Variants in ZNF174 observed in about 807,000 individuals in gnomAD.
The protein encoded by ZNF174 is AW-1.
A neutral mutation model predicts 38.7 loss-of-function variants in ZNF174; 30 were observed. The ratio of observed to expected loss-of-function variants is 0.78; its 90% CI spans 0.58 to 1.05. The LOEUF (loss-of-function observed/expected upper bound fraction) is 1.05, where lower values mean the gene tolerates loss of function less well. Ranked by LOEUF, ZNF174 falls within the 50% of genes least tolerant of loss-of-function variation. The pLI, the probability that ZNF174 is intolerant of heterozygous loss-of-function variation, is 0.00. For synonymous variants in ZNF174, 201 were observed against 181.7 expected (o/e 1.11, Z -0.86); for missense variants, 499 against 495.6 (o/e 1.01, Z -0.06).
chr16:3,405,179 C>A, intron 2 of ZNF174: 1 of 1,167,042 alleles, frequency 8.6e-7, no homozygotes, highest in African/African-American at 1.5e-5. Flanking sequence ...ATGACAGTGA[C>A]ATTTTGGCCA....
At chr16:3,403,960 C>T (rs1250905876) in intron 1 of ZNF174, among the ~76,000 whole-genome samples, 1 of 152,122 alleles carries the variant, frequency 6.6e-6, no homozygotes, top group Non-Finnish European at 1.5e-5. Context: ...TCCTCTTAGA[C>T]CCCTACTACT....
chr16:3,402,453 C>CTTTTTTTTTTTTTTT (rs56903674), intron 1 of ZNF174, 47 bp downstream of exon 1: 7 of 1,300,658 alleles, frequency 5.4e-6, no homozygotes, highest in South Asian at 1.4e-5. Flanking sequence ...TTTTTCTTTT[C>CTTTTTTTTTTTTTTT]TTTTTTTTTT....
Position 3,405,685 on chromosome 16 carries a change from A to G in ZNF174, c.625+1037A>G, listed in dbSNP as rs927406904. On this transcript the variant is annotated intron_variant, in intron 2 of 2. Coordinates refer to ENST00000268655, the MANE Select transcript of ZNF174 (RefSeq NM_003450.3). ...CCACAGTCTACTTTTTGTCTCTAGA[A>G]TTGCTTATTCTGAACATTTTATACA... Among the ~76,000 whole-genome samples, 7 of 152,322 alleles carry G rather than the reference A, an allele frequency of 4.6e-5. No individual in the cohort carries two copies. In the East Asian group the frequency reaches 1.3e-3, roughly 29 times the overall value.
chr16:3,404,314 C>T, intron 1 of ZNF174, 112 bp from the exon 2 acceptor site: 1 of 1,096,990 alleles, frequency 9.1e-7, no homozygotes. Flanking sequence ...GAAAGTTGAC[C>T]TCTAGATGGT....
Position 3,408,838 on chromosome 16 carries a change from A to G in ZNF174, c.1143A>G (p.Pro381=), listed in dbSNP as rs1404222306. The G allele has an allele frequency of 1.2e-6, 2 of 1,614,190 alleles. No homozygotes were observed. Among genetic ancestry groups the G allele is most frequent in the African/African-American group, 2.7e-5 (2 of 75,044 alleles). Residue 381 remains proline, a synonymous_variant, in exon 3 of 3, where the codon CCA becomes CCG. Coordinates refer to ENST00000268655, the MANE Select transcript of ZNF174 (RefSeq NM_003450.3). ...LHQRIHTGEK[P]YQCGQCGKSF... is the part of the protein sequence containing the mutation. ...AGAGGATCCACACTGGAGAGAAGCCATACCAGTGTGGCCAGTGTGGGAAAA... is the reference window on the plus strand; with the variant it reads ...AGAGGATCCACACTGGAGAGAAGCCGTACCAGTGTGGCCAGTGTGGGAAAA...
At chr16:3,402,453 C>CTTTTT (rs56903674) in intron 1 of ZNF174, 47 bp downstream of exon 1, 277 of 1,299,598 alleles carry the variant, frequency 2.1e-4, no homozygotes, top group South Asian at 3.3e-4. Context: ...TTTTTCTTTT[C>CTTTTT]TTTTTTTTTT....
In ZNF174 at chr16:3,409,264, A is replaced by G. The variant is rs1481124788; in HGVS notation, c.*345A>G. 8.2e-6 allele frequency: 2 copies of G among 242,744 alleles called. No individual in the cohort carries two copies. Among genetic ancestry groups the G allele is most frequent in the Admixed American group, 5.0e-5 (1 of 19,954 alleles). 15.0% of individuals were successfully genotyped at this position (242,744 alleles called of 1,614,324 possible). ...GTTGCTTTATCCTCTAAAATATGTT[A>G]AGGGATAAATTCTATATATATAGTT... On this transcript the variant is annotated 3_prime_UTR_variant, in exon 3 of 3. Coordinates refer to ENST00000268655, the MANE Select transcript of ZNF174 (RefSeq NM_003450.3).
intron 1 of ZNF174, 117 bp downstream of exon 1, chr16:3,402,523 A>C (rs998921197): frequency 9.8e-5 from 102 of 1,040,554 alleles, no homozygotes; most frequent in Middle Eastern, 6.1e-4. Context: ...CAGTGGCGCT[A>C]TCTCGGCTCA....
In ZNF174 at chr16:3,402,367, G is replaced by T. The variant is rs773842334; in HGVS notation, c.363G>T (p.Val121=). The T allele has an allele frequency of 3.7e-6, 6 of 1,614,030 alleles. No individual in the cohort carries two copies. The East Asian group carries it at 1.3e-4, about 36-fold the overall frequency. The change falls in exon 1 of 3, where the codon GTG becomes GTT. Residue 121 remains valine (V), a synonymous_variant. Coordinates refer to ENST00000268655, the MANE Select transcript of ZNF174 (RefSeq NM_003450.3). ...PMSSKEIVTL[V]EDFHRASKKP... is the part of the protein sequence containing the mutation. ...GCAGCAAGGAGATTGTGACCCTCGTGGAAGATTTTCACAGAGCATCCAAGA... is the reference window on the plus strand; with the variant it reads ...GCAGCAAGGAGATTGTGACCCTCGTTGAAGATTTTCACAGAGCATCCAAGA...
Position 3,408,600 on chromosome 16 carries a change from G to A in ZNF174, c.905G>A (p.Gly302Glu). The A allele has an allele frequency of 6.2e-7, 1 of 1,614,012 alleles. No homozygotes were observed. The highest frequency in any genetic ancestry group is 2.2e-5 in the East Asian group (1 of 44,886). ...HPLRELKKSK[G>E]GKRSLSNRLQ... ...CTGAGAGAGCTAAAGAAAAGCAAAG[G>A]AGGTAAACGGAGTCTGAGCAACCGT... The change falls in exon 3 of 3, where the codon GGA becomes GAA. Residue 302 changes from glycine to glutamate, a missense_variant. Transcript: ENST00000268655.
intron 2 of ZNF174, chr16:3,404,887 C>T: frequency 6.2e-7 from 1 of 1,612,220 alleles, no homozygotes; most frequent in South Asian, 1.1e-5. Flanking sequence ...CAGGGTTGTA[C>T]CTACTTTTCT....
chr16:3,408,408 G>C lies in ZNF174; in HGVS notation c.713G>C (p.Arg238Thr). 6.2e-7 allele frequency: 1 copy of C among 1,614,242 alleles called. No individual in the cohort carries two copies. Residue 238 changes from arginine to threonine, a missense_variant, in exon 3 of 3, where the codon AGA becomes ACA. Physicochemically the swap from Arg to Thr is moderately conservative, Grantham distance 71. Transcript: ENST00000268655. Reference sequence around the variant, plus strand: ...AAGCCATGTGCAGTGTCAGCTGGCAGATCCAAAGGGAATGGTCTGCAGAAT... The same window carrying C: ...AAGCCATGTGCAGTGTCAGCTGGCACATCCAAAGGGAATGGTCTGCAGAAT... ...GAKPCAVSAGRSKGNGLQNPE... is the reference protein window; with the variant it reads ...GAKPCAVSAGTSKGNGLQNPE...
chr16:3,402,437 G>C, intron 1 of ZNF174, 31 bp downstream of exon 1: 1 of 1,505,732 alleles, frequency 6.6e-7, no homozygotes. Flanking sequence ...TCATCCTGGG[G>C]ATTTCTTTTT....
intron 1 of ZNF174, among the ~76,000 whole-genome samples, chr16:3,403,882 A>G (rs37812): frequency 0.9 from 136,249 of 152,216 alleles, 61,093 homozygotes; most frequent in African/African-American, 0.95. Context: ...CCCAGTCAGG[A>G]CCTAGGCAAG....
At chr16:3,408,125 A>T (rs1222987798) in intron 2 of ZNF174, among the ~76,000 whole-genome samples, 196 bp from the exon 3 acceptor site, 1 of 152,022 alleles carries the variant, frequency 6.6e-6, no homozygotes, top group African/African-American at 2.4e-5. Context: ...ATCAGGCCCA[A>T]CCCCCCGAGA....
chr16:3,407,041 C>G (rs1378717092), intron 2 of ZNF174, among the ~76,000 whole-genome samples: 1 of 152,168 alleles, frequency 6.6e-6, no homozygotes, highest in Non-Finnish European at 1.5e-5. Flanking sequence ...AACAAATTGC[C>G]TTAGACTAGG....
intron 2 of ZNF174, 129 bp downstream of exon 2, chr16:3,404,777 T>G: frequency 6.6e-7 from 1 of 1,505,006 alleles, no homozygotes; most frequent in Non-Finnish European, 9.1e-7. Flanking sequence ...TAGATGATTA[T>G]TCACTAAACA....
Position 3,408,840 on chromosome 16 carries a change from ACCAGTGTGG to A in ZNF174, c.1155_1163del (p.Gln386_Gly388del). 1.2e-6 allele frequency: 2 copies of A among 1,614,178 alleles called. No individual in the cohort carries two copies. The highest frequency in any genetic ancestry group is 1.7e-6 in the Non-Finnish European group (2 of 1,180,034). On this transcript the variant is annotated inframe_deletion, in exon 3 of 3. Transcript: ENST00000268655. Reference sequence around the variant, plus strand: ...AGGATCCACACTGGAGAGAAGCCATACCAGTGTGGCCAGTGTGGGAAAAGCTTTCGCCAG... The same window carrying A: ...AGGATCCACACTGGAGAGAAGCCATACCAGTGTGGGAAAAGCTTTCGCCAG...
At position 3,408,633 on chromosome 16, in the gene ZNF174, A is replaced by G. The variant is rs753088816; in HGVS notation, c.938A>G (p.His313Arg). The G allele has an allele frequency of 1.2e-6, 2 of 1,614,200 alleles. No individual in the cohort carries two copies. Among genetic ancestry groups the G allele is most frequent in the African/African-American group, 1.3e-5 (1 of 75,052 alleles). ...CGGAGTCTGAGCAACCGTTTGCAAC[A>G]TCTTGGTCACCAGCCCACCCGCTCA... is the stretch of plus-strand genomic sequence containing the variant. ...GKRSLSNRLQ[H>R]LGHQPTRSAK... is the part of the protein sequence containing the mutation. Residue 313 changes from histidine (H) to arginine (R), a missense_variant, in exon 3 of 3, where the codon CAT becomes CGT. Transcript: ENST00000268655.
Sources: allele counts gnomAD v4.1 joint callset (sites outside exome capture counted in the v4.1 genomes callset), GRCh38; gene constraint gnomAD v4.1.1; transcripts MANE v1.5; gene names NCBI Gene and HGNC (gene_info 2026-07-23, HGNC 2026-07-21).